Variants in RGS6 observed in about 807,000 individuals in gnomAD.
RGS6 encodes regulator of G-protein signaling 6.
In RGS6, 30 loss-of-function variants were observed where a neutral mutation model predicts 78.5. That is an observed-to-expected ratio of 0.38 (90% CI 0.29 to 0.52). The LOEUF is 0.52. RGS6 is among the 20% of genes least tolerant of loss of function. The probability of loss-of-function intolerance (pLI) is 0.85; values close to 1 mark genes in which losing one functional copy is unlikely to be tolerated. For synonymous variants in RGS6, 206 were observed against 206.0 expected (o/e 1.00, Z 0.00); for missense variants, 495 against 609.7 (o/e 0.81, Z 1.98).
At chr14:71,979,178 C>T (rs200261077) in intron 2 of RGS6, among the ~76,000 whole-genome samples, 56,621 of 137,862 alleles carry the variant, frequency 0.41, 11,381 homozygotes, top group East Asian at 0.5. Flanking sequence ...GTCTTGCTAG[C>T]GGTCTATCTA....
rs372866325 is a variant in RGS6 at position 72,052,983 on chromosome 14, TTCTCTCTC to T, written c.84+88124_84+88131del. Among the ~76,000 whole-genome samples the T allele has an allele frequency of 4.5e-3, 383 of 85,598 alleles. 6 individuals are homozygous for T. The highest frequency in any genetic ancestry group is 0.014 in the African/African-American group (252 of 17,498). 56.2% of individuals were successfully genotyped at this position (85,598 alleles called of 152,430 possible). A position where few individuals can be genotyped will look rare whatever the true frequency, so the allele number is the denominator to read the frequency against. ...TTTCTTTCTTTCTTTCTTTCTTTCT[TTCTCTCTC>T]TCTCTCTCTCTCTCTTTCTTTCCTT... On this transcript the variant is annotated intron_variant, in intron 2 of 17. Transcript: ENST00000553525.
At position 72,120,840 on chromosome 14, in the gene RGS6, T is replaced by C. The variant is rs2153569393; in HGVS notation, c.84+155965T>C. On this transcript the variant is annotated intron_variant, in intron 2 of 17. Transcript: ENST00000553525. ...GAGCACAAGAGAACTTTCTGGGATG[T>C]TGGAAATCTTCTCTATCTTATTTTG... 2.0e-5 allele frequency among the ~76,000 whole-genome samples: 3 copies of C among 152,330 alleles called. No homozygotes were observed. The Middle Eastern group carries it at 0.01, about 518-fold the overall frequency.
intron 17 of RGS6, among the ~76,000 whole-genome samples, chr14:72,543,079 T>C (rs2097347639): frequency 6.6e-6 from 1 of 152,198 alleles, no homozygotes; most frequent in Non-Finnish European, 1.5e-5. Context: ...GGGCCAAGCA[T>C]CCTGTCATTT....
In RGS6 at chr14:72,055,871, T is replaced by A. The variant is rs912388998; in HGVS notation, c.84+90996T>A. 5.3e-5 allele frequency among the ~76,000 whole-genome samples: 8 copies of A among 152,298 alleles called. No homozygotes were observed. In the East Asian group the frequency reaches 1.5e-3, roughly 29 times the overall value. ...TCAGCAGCCTTTGAGAGTTTTTTGGTTTTTGTTTTGGTGTTTGTTGTTGGT... is the reference window on the plus strand; with the variant it reads ...TCAGCAGCCTTTGAGAGTTTTTTGGATTTTGTTTTGGTGTTTGTTGTTGGT... On this transcript the variant is annotated intron_variant, in intron 2 of 17. Coordinates refer to ENST00000553525, the MANE Select transcript of RGS6 (RefSeq NM_001204424.2).
At chr14:72,553,434 G>A (rs568428158) in intron 17 of RGS6, 37 of 152,704 alleles carry the variant, frequency 2.4e-4, no homozygotes, top group African/African-American at 8.4e-4. Flanking sequence ...ATCCAAAAGA[G>A]ATGATCTGTT....
At chr14:71,979,647 G>A (rs1171770877) in intron 2 of RGS6, among the ~76,000 whole-genome samples, 3 of 152,168 alleles carry the variant, frequency 2.0e-5, no homozygotes, top group South Asian at 2.1e-4. Context: ...TATAATTTCT[G>A]TTCTTTTACA....
At chr14:71,978,865 A>G (rs982559398) in intron 2 of RGS6, among the ~76,000 whole-genome samples, 1 of 149,882 alleles carries the variant, frequency 6.7e-6, no homozygotes, top group Non-Finnish European at 1.5e-5. Context: ...TACCTCTGGT[A>G]GAATTCCGCT....
At chr14:72,491,797 T>A (rs1376737442) in intron 12 of RGS6, among the ~76,000 whole-genome samples, 1 of 152,198 alleles carries the variant, frequency 6.6e-6, no homozygotes, top group African/African-American at 2.4e-5. Context: ...CAACAAAGCC[T>A]GGCCTTGGCT....
the RGS6 span, among the ~76,000 whole-genome samples, chr14:71,898,599 A>G: frequency 2.0e-5 from 3 of 152,284 alleles, no homozygotes; most frequent in Admixed American, 6.5e-5. Flanking sequence ...TGCTGCACCC[A>G]TCAACCCATC....
At chr14:71,985,442 A>G (rs2094664638) in intron 2 of RGS6, among the ~76,000 whole-genome samples, 1 of 152,180 alleles carries the variant, frequency 6.6e-6, no homozygotes, top group South Asian at 2.1e-4. Context: ...TAAAGGTTGA[A>G]TAATATTCTA....
At chr14:72,610,794 G>C in the RGS6 span, among the ~76,000 whole-genome samples, 3 of 152,308 alleles carry the variant, frequency 2.0e-5, no homozygotes, top group South Asian at 6.2e-4. Context: ...CTGGGGACCT[G>C]AGGGCTCAGG....
At chr14:72,517,603 G>T (rs1320427714) in intron 14 of RGS6, among the ~76,000 whole-genome samples, 1 of 152,220 alleles carries the variant, frequency 6.6e-6, no homozygotes, top group African/African-American at 2.4e-5. Flanking sequence ...TGCCTCTTCA[G>T]CATTGCTCCA....
chr14:72,372,050 G>GGA (rs1222842767), intron 3 of RGS6, among the ~76,000 whole-genome samples: 1 of 152,154 alleles, frequency 6.6e-6, no homozygotes. Flanking sequence ...TTATGAGCAA[G>GGA]GAGAACATTA....
the RGS6 span, among the ~76,000 whole-genome samples, chr14:72,610,670 G>A: frequency 6.6e-6 from 1 of 152,174 alleles, no homozygotes; most frequent in Non-Finnish European, 1.5e-5. Flanking sequence ...CCAGGAAGGC[G>A]CCTGATGAGA....
intron 2 of RGS6, among the ~76,000 whole-genome samples, chr14:72,178,971 C>T (rs1325072552): frequency 6.6e-6 from 1 of 152,190 alleles, no homozygotes; most frequent in Non-Finnish European, 1.5e-5. Flanking sequence ...GGTTTCTAGA[C>T]ATTTATGCAC....
chr14:72,364,024 A>C (rs1006832812), intron 3 of RGS6, among the ~76,000 whole-genome samples: 7 of 151,106 alleles, frequency 4.6e-5, no homozygotes, highest in East Asian at 3.9e-4. Flanking sequence ...AAAAAAAAAA[A>C]AACTCTATAT....
intron 2 of RGS6, among the ~76,000 whole-genome samples, chr14:72,181,069 G>T (rs534692760): frequency 6.6e-6 from 1 of 152,202 alleles, no homozygotes; most frequent in Non-Finnish European, 1.5e-5. Flanking sequence ...GGCAGCAGCT[G>T]GGAATGGGAA....
chr14:71,876,628 C>T, the RGS6 span, among the ~76,000 whole-genome samples: 21 of 151,588 alleles, frequency 1.4e-4, no homozygotes, highest in Non-Finnish European at 2.2e-4. Context: ...ACTCTTTATC[C>T]GATTTGCCAG....
chr14:72,147,640 G>A (rs1317720303), intron 2 of RGS6, among the ~76,000 whole-genome samples: 1 of 152,108 alleles, frequency 6.6e-6, no homozygotes, highest in Non-Finnish European at 1.5e-5. Context: ...GTAGCACATG[G>A]GGTACAGAAT....
Sources: gnomAD v4.1 joint callset for allele counts (sites outside exome capture counted in the v4.1 genomes callset) on GRCh38, gnomAD v4.1.1 for gene constraint, MANE v1.5 for transcripts, NCBI Gene and HGNC (gene_info 2026-07-23, HGNC 2026-07-21) for gene names.